Variants in PEDS1 observed in about 807,000 individuals in gnomAD.
The protein encoded by PEDS1 is plasmanylethanolamine desaturase 1.
PEDS1 carries 14 observed loss-of-function variants against 35.2 expected under a neutral mutation model. That is an observed-to-expected ratio of 0.40 (90% CI 0.26 to 0.62). The LOEUF (loss-of-function observed/expected upper bound fraction) is 0.62. PEDS1 is among the 20% of genes least tolerant of loss of function. The probability of loss-of-function intolerance (pLI) is 0.44; values close to 1 mark genes in which losing one functional copy is unlikely to be tolerated. For synonymous variants in PEDS1, 152 were observed against 152.0 expected (o/e 1.00, Z 0.00); for missense variants, 260 against 367.8 (o/e 0.71, Z 2.40).
intron 2 of PEDS1, among the ~76,000 whole-genome samples, chr20:50,141,451 T>A (rs1336871605): frequency 6.6e-6 from 1 of 152,212 alleles, no homozygotes; most frequent in East Asian, 1.9e-4. Context: ...CCCTGCTTAG[T>A]CACTGGTTTT....
rs1267313998 is a variant in PEDS1 at position 50,153,703 on chromosome 20, G to A, written c.-66C>T. ...GGCGGCGGCAGGGCCGCGGAACCGC[G>A]GCGAGATCACGCCGCCCAATGACCG... is the stretch of plus-strand genomic sequence containing the variant. On this transcript the variant is annotated 5_prime_UTR_variant, in exon 1 of 6. Transcript: ENST00000371652. 28 of 1,169,464 alleles carry A rather than the reference G, an allele frequency of 2.4e-5. No homozygotes were observed. Among genetic ancestry groups the A allele is most frequent in the African/African-American group, 4.9e-5 (3 of 61,852 alleles). 72.4% of individuals were successfully genotyped at this position (1,169,464 alleles called of 1,614,324 possible).
At position 50,153,519 on chromosome 20, in the gene PEDS1, G is replaced by A; in HGVS notation, c.119C>T (p.Pro40Leu). ...GGAGGGGGGCCCAGAGGTCTTACCTGGCGAGTAGAGCGCAGCCAGCTCGCG... is the reference window on the plus strand; with the variant it reads ...GGAGGGGGGCCCAGAGGTCTTACCTAGCGAGTAGAGCGCAGCCAGCTCGCG... ...GARELAALYS[P>L]GKRLQEWCSV... The change falls in exon 1 of 6, where the codon CCA (proline) becomes CTA (leucine). Residue 40 changes from proline (P) to leucine (L), a missense_variant and splice_region_variant. Around this residue, in one of 4 missense-constraint regions of PEDS1, gnomAD observed 114 missense variants for 121.6 expected, o/e 0.94. Transcript: ENST00000371652. 7.1e-7 allele frequency: 1 copy of A among 1,407,906 alleles called. No individual in the cohort carries two copies. 87.2% of individuals were successfully genotyped at this position (1,407,906 alleles called of 1,614,324 possible). A position where few individuals can be genotyped will look rare whatever the true frequency, so the allele number is the denominator to read the frequency against.
At position 50,124,070 on chromosome 20, in the gene PEDS1, G is replaced by C. The variant is rs990469716; in HGVS notation, c.*988C>G. The C allele has an allele frequency of 6.6e-6, 1 of 152,594 alleles. No individual in the cohort carries two copies. The highest frequency in any genetic ancestry group is 1.5e-5 in the Non-Finnish European group (1 of 68,040). 9.5% of individuals were successfully genotyped at this position (152,594 alleles called of 1,614,324 possible). A position where few individuals can be genotyped will look rare whatever the true frequency, so the allele number is the denominator to read the frequency against. ...AGCTCTCATCCTGAGGCCAGGGTTG[G>C]GGGGAGCTGGGAATGGGGCGAGAGT... On this transcript the variant is annotated 3_prime_UTR_variant, in exon 6 of 6. Coordinates refer to ENST00000371652, the MANE Select transcript of PEDS1 (RefSeq NM_199129.4).
rs1013100759 is a variant in PEDS1 at position 50,123,450 on chromosome 20, G to A, written c.*1608C>T. On this transcript the variant is annotated 3_prime_UTR_variant, in exon 6 of 6. Transcript: ENST00000371652. Reference sequence around the variant, plus strand: ...TGGCTAATTTTTGTAAATTTTAGTAGAGACAGGGTTTCACCATGTTGGCCA... The same window carrying A: ...TGGCTAATTTTTGTAAATTTTAGTAAAGACAGGGTTTCACCATGTTGGCCA... The A allele has an allele frequency of 1.3e-5, 2 of 152,180 alleles. No homozygotes were observed. Among genetic ancestry groups the A allele is most frequent in the Non-Finnish European group, 2.9e-5 (2 of 68,080 alleles). The allele number at this position is 152,180 out of a possible 1,614,324, so 9.4% of individuals were successfully genotyped here.
At chr20:50,146,577 G>T (rs1430457383) in intron 1 of PEDS1, among the ~76,000 whole-genome samples, 1 of 152,168 alleles carries the variant, frequency 6.6e-6, no homozygotes, top group Non-Finnish European at 1.5e-5. Context: ...GGCTCAGGGA[G>T]AGAGAAGGCC....
Position 50,122,943 on chromosome 20 carries a change from A to AT in PEDS1, c.*2114_*2115insA, listed in dbSNP as rs1438839514. 6.6e-6 allele frequency: 1 copy of AT among 151,270 alleles called. No individual in the cohort carries two copies. Among genetic ancestry groups the AT allele is most frequent in the Non-Finnish European group, 1.5e-5 (1 of 67,926 alleles). The allele number at this position is 151,270 out of a possible 1,614,324, so 9.4% of individuals were successfully genotyped here. A position where few individuals can be genotyped will look rare whatever the true frequency, so the allele number is the denominator to read the frequency against. Reference sequence around the variant, plus strand: ...TGAGACCCCATTTCTTTAAAAAAAAAAAAAAATAGCCAAGCCAGGTGTGGC... The same window carrying AT: ...TGAGACCCCATTTCTTTAAAAAAAAATAAAAAATAGCCAAGCCAGGTGTGGC... On this transcript the variant is annotated 3_prime_UTR_variant, in exon 6 of 6. Transcript: ENST00000371652.
chr20:50,130,714 G>T lies in PEDS1; in HGVS notation c.333+142C>A, dbSNP rs2081169182. On this transcript the variant is annotated intron_variant, in intron 3 of 5. Transcript: ENST00000371652. ...CCCAAGGGACTCCTGTTCTAGTCTT[G>T]CAGCACAGGGGTGAGGGACAGGCTG... is the stretch of plus-strand genomic sequence containing the variant. 3.8e-6 allele frequency: 4 copies of T among 1,055,808 alleles called. No individual in the cohort carries two copies. In the Admixed American group the frequency reaches 8.0e-5, roughly 21 times the overall value. 65.4% of individuals were successfully genotyped at this position (1,055,808 alleles called of 1,614,324 possible).
chr20:50,150,986 G>A lies in PEDS1; in HGVS notation c.121+2531C>T, dbSNP rs367867277. 9.2e-5 allele frequency among the ~76,000 whole-genome samples: 14 copies of A among 152,220 alleles called. No individual in the cohort carries two copies. In the South Asian group the frequency reaches 1.0e-3, roughly 11 times the overall value. On this transcript the variant is annotated intron_variant, in intron 1 of 5. Coordinates refer to ENST00000371652, the MANE Select transcript of PEDS1 (RefSeq NM_199129.4). ...GCTAGGATTACGGGTGTGAGCCACC[G>A]CGCCCGGCCAGCTCCATTTTTTTCT...
In PEDS1 at chr20:50,123,650, TC is replaced by T. The variant is rs200358143; in HGVS notation, c.*1407del. 0.011 allele frequency: 1,631 copies of T among 152,352 alleles called. 11 individuals carry two copies. The highest frequency in any genetic ancestry group is 0.017 in the Non-Finnish European group (1,168 of 68,098). The allele number at this position is 152,352 out of a possible 1,614,324, so 9.4% of individuals were successfully genotyped here. A position where few individuals can be genotyped will look rare whatever the true frequency, so the allele number is the denominator to read the frequency against. On this transcript the variant is annotated 3_prime_UTR_variant, in exon 6 of 6. Transcript: ENST00000371652. ...CTCACTTCTTTCGTGTCTGACCTCC[TC>T]TCCTCCCCCAGGTCTCAGCTCAGAG...
chr20:50,137,820 G>A (rs1342264465), intron 2 of PEDS1, among the ~76,000 whole-genome samples: 1 of 152,186 alleles, frequency 6.6e-6, no homozygotes, highest in African/African-American at 2.4e-5. Context: ...GCAGTGGGCC[G>A]AGATTGCGCC....
rs536495741 is a variant in PEDS1 at position 50,121,584 on chromosome 20, T to C, written c.*3474A>G. 6.6e-6 allele frequency: 1 copy of C among 152,214 alleles called. No homozygotes were observed. Among genetic ancestry groups the C allele is most frequent in the South Asian group, 2.1e-4 (1 of 4,830 alleles). 9.4% of individuals were successfully genotyped at this position (152,214 alleles called of 1,614,324 possible). ...AGCATTTTCCCCTGTCTGGCCCTCATAGGCACTTGTTTGCAAGTCCCTGAT... is the reference window on the plus strand; with the variant it reads ...AGCATTTTCCCCTGTCTGGCCCTCACAGGCACTTGTTTGCAAGTCCCTGAT... On this transcript the variant is annotated 3_prime_UTR_variant, in exon 6 of 6. Transcript: ENST00000371652.
intron 2 of PEDS1, 22 bp downstream of exon 2, chr20:50,143,480 C>G (rs777109468): frequency 6.3e-7 from 1 of 1,591,074 alleles, no homozygotes; most frequent in East Asian, 2.3e-5. Context: ...TTGAGGCAGG[C>G]AGCAGTGCCT....
rs1360527952 is a variant in PEDS1 at position 50,153,513 on chromosome 20, T to C, written c.121+4A>G. On this transcript the variant is annotated splice_donor_region_variant and intron_variant, in intron 1 of 5. Coordinates refer to ENST00000371652, the MANE Select transcript of PEDS1 (RefSeq NM_199129.4). Reference sequence around the variant, plus strand: ...AGGCCTGGAGGGGGGCCCAGAGGTCTTACCTGGCGAGTAGAGCGCAGCCAG... The same window carrying C: ...AGGCCTGGAGGGGGGCCCAGAGGTCCTACCTGGCGAGTAGAGCGCAGCCAG... The C allele has an allele frequency of 7.2e-7, 1 of 1,394,074 alleles. No homozygotes were observed. The highest frequency in any genetic ancestry group is 9.4e-7 in the Non-Finnish European group (1 of 1,067,076). 86.4% of individuals were successfully genotyped at this position (1,394,074 alleles called of 1,614,324 possible).
At chr20:50,138,064 G>A (rs543268632) in intron 2 of PEDS1, among the ~76,000 whole-genome samples, 3 of 152,284 alleles carry the variant, frequency 2.0e-5, no homozygotes, top group Admixed American at 6.5e-5. Flanking sequence ...AATGTGCCCC[G>A]CTAATGTAAG....
chr20:50,143,395 C>T (rs2081314474), intron 2 of PEDS1, 107 bp downstream of exon 2: 1 of 1,506,356 alleles, frequency 6.6e-7, no homozygotes, highest in Non-Finnish European at 8.9e-7. Context: ...ACATACTGGA[C>T]TCAAGCACAC....
chr20:50,121,193 G>A lies in PEDS1; in HGVS notation c.*3865C>T, dbSNP rs937981082. ...GTTTAACCAGCTGCTGTGAGTAGCA[G>A]CTGCCCTTTAGGCCTGATGTCTCCA... On this transcript the variant is annotated 3_prime_UTR_variant, in exon 6 of 6. Transcript: ENST00000371652. The A allele has an allele frequency of 5.9e-5, 9 of 152,222 alleles. No individual in the cohort carries two copies. The highest frequency in any genetic ancestry group is 1.9e-4 in the African/African-American group (8 of 41,426). The allele number at this position is 152,222 out of a possible 1,614,324, so 9.4% of individuals were successfully genotyped here. A position where few individuals can be genotyped will look rare whatever the true frequency, so the allele number is the denominator to read the frequency against.
At position 50,120,611 on chromosome 20, in the gene PEDS1, G is replaced by A. The variant is rs114876645; in HGVS notation, c.*4447C>T. The A allele has an allele frequency of 0.024, 3,661 of 152,048 alleles. 152 individuals are homozygous for A. The highest frequency in any genetic ancestry group is 0.083 in the African/African-American group (3,451 of 41,394). The allele number at this position is 152,048 out of a possible 1,614,324, so 9.4% of individuals were successfully genotyped here. On this transcript the variant is annotated 3_prime_UTR_variant, in exon 6 of 6. Coordinates refer to ENST00000371652, the MANE Select transcript of PEDS1 (RefSeq NM_199129.4). Reference sequence around the variant, plus strand: ...ACACTTAGGAAGGCTGAGGTGGGCCGATCGCTTGAGCTCAGGCGTTCGAGA... The same window carrying A: ...ACACTTAGGAAGGCTGAGGTGGGCCAATCGCTTGAGCTCAGGCGTTCGAGA...
At chr20:50,134,920 C>T (rs1276523960) in intron 2 of PEDS1, among the ~76,000 whole-genome samples, 3 of 152,140 alleles carry the variant, frequency 2.0e-5, no homozygotes, top group African/African-American at 7.2e-5. Flanking sequence ...CGGTGGCTCA[C>T]ACCTGTAATC....
At chr20:50,136,101 A>T (rs550261223) in intron 2 of PEDS1, among the ~76,000 whole-genome samples, 440 of 149,180 alleles carry the variant, frequency 2.9e-3, no homozygotes, top group Middle Eastern at 0.021. Flanking sequence ...CTTTTTTTAA[A>T]AAAAAAAACC....
Sources: gnomAD v4.1 joint callset for allele counts (sites outside exome capture counted in the v4.1 genomes callset) on GRCh38, gnomAD v4.1.1 for gene constraint, gnomAD v4.1.1 regional missense constraint, MANE v1.5 for transcripts, NCBI Gene and HGNC (gene_info 2026-07-23, HGNC 2026-07-21) for gene names.